Variants in GLCCI1 observed in about 807,000 individuals in gnomAD.
GLCCI1 encodes glucocorticoid-induced transcript 1 protein.
Under a neutral mutation model 52.2 loss-of-function variants are expected in GLCCI1, and 24 were observed. That is an observed-to-expected ratio of 0.46 (90% CI 0.33 to 0.65). The LOEUF (loss-of-function observed/expected upper bound fraction) is 0.65, where lower values mean the gene tolerates loss of function less well. Ranked by LOEUF, GLCCI1 falls within the 30% of genes least tolerant of loss-of-function variation. The probability of loss-of-function intolerance (pLI) is 0.02; values close to 1 mark genes in which losing one functional copy is unlikely to be tolerated. For synonymous variants in GLCCI1, 310 were observed against 276.5 expected, an observed-to-expected ratio of 1.12 and a Z score of -1.20; for missense variants, 704 against 701.5, an observed-to-expected ratio of 1.00 and a Z score of -0.04.
chr7:8,031,342 C>A (rs572824132), intron 3 of GLCCI1, among the ~76,000 whole-genome samples: 1 of 151,954 alleles, frequency 6.6e-6, no homozygotes, highest in East Asian at 1.9e-4. Flanking sequence ...ATATAAAAAT[C>A]AAAACAATAG....
intron 5 of GLCCI1, among the ~76,000 whole-genome samples, chr7:8,062,895 A>G (rs1033561245): frequency 6.6e-6 from 1 of 152,064 alleles, no homozygotes; most frequent in African/African-American, 2.4e-5. Flanking sequence ...TTGATTCTGT[A>G]TGTTTGTTAT....
At position 7,992,097 on chromosome 7, in the gene GLCCI1, T is replaced by TTCTTTCTTTCTG. The variant is rs1195257351; in HGVS notation, c.458-11808_458-11807insTTCTTTCTGTCT. On this transcript the variant is annotated intron_variant, in intron 1 of 7. Transcript: ENST00000223145. ...TTTCTTTCTTTCTTTCTTTCTTTCT[T>TTCTTTCTTTCTG]TCTGTCTGTTTCTCTCTCTCTCTCT... is the stretch of plus-strand genomic sequence containing the variant. Among the ~76,000 whole-genome samples, 25 of 121,274 alleles carry TTCTTTCTTTCTG rather than the reference T, an allele frequency of 2.1e-4. No individual in the cohort carries two copies. The East Asian group carries it at 4.7e-3, about 23-fold the overall frequency. The allele number at this position is 121,274 out of a possible 152,430, so 79.6% of individuals were successfully genotyped here.
At chr7:8,013,781 ATTTACATAC>A (rs1287425951) in intron 2 of GLCCI1, among the ~76,000 whole-genome samples, 2 of 152,160 alleles carry the variant, frequency 1.3e-5, no homozygotes. Context: ...TTAATATCTA[ATTTACATAC>A]AGGACATCTT....
chr7:8,046,601 G>A (rs1782134465), intron 3 of GLCCI1, among the ~76,000 whole-genome samples: 1 of 152,156 alleles, frequency 6.6e-6, no homozygotes, highest in African/African-American at 2.4e-5. Flanking sequence ...TCAGCCATTT[G>A]CCAATCGGAA....
At chr7:8,013,812 T>A (rs1781320226) in intron 2 of GLCCI1, among the ~76,000 whole-genome samples, 1 of 152,208 alleles carries the variant, frequency 6.6e-6, no homozygotes, top group African/African-American at 2.4e-5. Context: ...AACTTGACTT[T>A]TCTTGTTTCT....
chr7:7,969,941 C>G lies in GLCCI1; in HGVS notation c.457+134C>G. ...GTGAAAGTGGCTTTGGGAATCTCAC[C>G]CCCCTGCGGTCGCTGTGGGGCTTGG... On this transcript the variant is annotated intron_variant, in intron 1 of 7. Coordinates refer to ENST00000223145, the MANE Select transcript of GLCCI1 (RefSeq NM_138426.4). This position sits in a 1 kb window ranked among gnomAD's most constrained non-coding sequence, Gnocchi z 4.9. 9.1e-7 allele frequency: 1 copy of G among 1,102,882 alleles called. No individual in the cohort carries two copies. Among genetic ancestry groups the G allele is most frequent in the Non-Finnish European group, 1.1e-6 (1 of 895,604 alleles). 68.3% of individuals were successfully genotyped at this position (1,102,882 alleles called of 1,614,324 possible). A position where few individuals can be genotyped will look rare whatever the true frequency, so the allele number is the denominator to read the frequency against.
intron 3 of GLCCI1, among the ~76,000 whole-genome samples, chr7:8,022,965 C>T (rs1053332874): frequency 8.5e-5 from 13 of 152,138 alleles, no homozygotes; most frequent in Non-Finnish European, 5.9e-5. Flanking sequence ...TTGTAGCAAC[C>T]AGAGCTATAG....
chr7:8,045,322 C>T (rs1003025133), intron 3 of GLCCI1, among the ~76,000 whole-genome samples: 5 of 151,948 alleles, frequency 3.3e-5, no homozygotes, highest in East Asian at 1.9e-4. Flanking sequence ...CATTTAGATA[C>T]GGCAACATAT....
intron 3 of GLCCI1, among the ~76,000 whole-genome samples, chr7:8,041,206 A>C (rs1304773401): frequency 1.3e-5 from 2 of 152,210 alleles, no homozygotes; most frequent in Non-Finnish European, 1.5e-5. Context: ...TAAAAGATCA[A>C]ACCAGCCACA....
intron 1 of GLCCI1, among the ~76,000 whole-genome samples, chr7:7,978,691 T>C (rs1161022601): frequency 6.6e-6 from 1 of 152,174 alleles, no homozygotes; most frequent in South Asian, 2.1e-4. Context: ...TAACATTTCT[T>C]CTGTAATTAT....
In GLCCI1 at chr7:8,086,154, G is replaced by C. The variant is rs1005957872; in HGVS notation, c.1299-39G>C. On this transcript the variant is annotated intron_variant, in intron 7 of 7. Coordinates refer to ENST00000223145, the MANE Select transcript of GLCCI1 (RefSeq NM_138426.4). This position sits in a 1 kb window ranked among gnomAD's most constrained non-coding sequence, Gnocchi z 4.4. ...TCAGAAAATGCTTAACTTTTTCTGT[G>C]TTCATGATTATAAATCTAATTTTGT... is the stretch of plus-strand genomic sequence containing the variant. The C allele has an allele frequency of 1.3e-6, 2 of 1,516,754 alleles. No homozygotes were observed. The highest frequency in any genetic ancestry group is 1.8e-6 in the Non-Finnish European group (2 of 1,121,866). 94.0% of individuals were successfully genotyped at this position (1,516,754 alleles called of 1,614,324 possible).
chr7:8,045,968 A>C (rs1358009066), intron 3 of GLCCI1, among the ~76,000 whole-genome samples: 1 of 152,008 alleles, frequency 6.6e-6, no homozygotes, highest in Non-Finnish European at 1.5e-5. Context: ...AATTCCAAAA[A>C]AAAAAAACCT....
At chr7:8,011,659 C>T (rs1781263321) in intron 2 of GLCCI1, among the ~76,000 whole-genome samples, 1 of 152,062 alleles carries the variant, frequency 6.6e-6, no homozygotes, top group Admixed American at 6.5e-5. Context: ...GTATATATTT[C>T]CAGAAGTAGA....
intron 3 of GLCCI1, among the ~76,000 whole-genome samples, chr7:8,035,968 G>A (rs145715682): frequency 6.6e-6 from 1 of 152,204 alleles, no homozygotes; most frequent in African/African-American, 2.4e-5. Context: ...CCCATCAGGG[G>A]CTGAGCAGAG....
At chr7:7,988,974 T>C (rs1239017051) in intron 1 of GLCCI1, among the ~76,000 whole-genome samples, 1 of 152,164 alleles carries the variant, frequency 6.6e-6, no homozygotes, top group Non-Finnish European at 1.5e-5. Context: ...CTCCTCATTC[T>C]TTCTTTTCCC....
At chr7:8,078,403 A>AGTCTT (rs1163869492) in intron 6 of GLCCI1, among the ~76,000 whole-genome samples, 1 of 152,120 alleles carries the variant, frequency 6.6e-6, no homozygotes, top group Non-Finnish European at 1.5e-5. Flanking sequence ...TTAATAGTCT[A>AGTCTT]GTCTTGTGAT....
intron 2 of GLCCI1, among the ~76,000 whole-genome samples, chr7:8,005,400 G>A (rs1033208647): frequency 6.6e-6 from 1 of 152,094 alleles, no homozygotes; most frequent in Non-Finnish European, 1.5e-5. Flanking sequence ...GCAGCAAGAG[G>A]AGGAGGGAGT....
chr7:8,039,599 T>C (rs1200498157), intron 3 of GLCCI1, among the ~76,000 whole-genome samples: 1 of 152,076 alleles, frequency 6.6e-6, no homozygotes, highest in African/African-American at 2.4e-5. Flanking sequence ...TACATGGACA[T>C]AGAGAGTAGA....
At chr7:8,060,270 G>C (rs373458041) in intron 5 of GLCCI1, 22 bp downstream of exon 5, 2 of 1,587,392 alleles carry the variant, frequency 1.3e-6, no homozygotes, top group Non-Finnish European at 1.7e-6. Context: ...TGGGATATTT[G>C]AATCCTTTTT....
Sources: allele counts gnomAD v4.1 joint callset (sites outside exome capture counted in the v4.1 genomes callset), GRCh38; gene constraint gnomAD v4.1.1; non-coding constraint Gnocchi (gnomAD v3.1); transcripts MANE v1.5; gene names NCBI Gene and HGNC (gene_info 2026-07-23, HGNC 2026-07-21).